The following MAPKAP1 variants were observed in gnomAD, a reference collection of about 807,000 sequenced individuals.
The protein encoded by MAPKAP1 is target of rapamycin complex 2 subunit MAPKAP1.
A neutral mutation model predicts 65.7 loss-of-function variants in MAPKAP1; 20 were observed. That is an observed-to-expected ratio of 0.30 (90% CI 0.21 to 0.44). MAPKAP1 has a LOEUF of 0.44. MAPKAP1 is among the 20% of genes least tolerant of loss of function. MAPKAP1 has a pLI of 1.00. For synonymous variants in MAPKAP1, 222 were observed against 244.3 expected (o/e 0.91, Z 0.85); for missense variants, 423 against 648.0 (o/e 0.65, Z 3.77).
chr9:125,449,279 G>C (rs1852848811), intron 10 of MAPKAP1, among the ~76,000 whole-genome samples: 1 of 152,132 alleles, frequency 6.6e-6, no homozygotes, highest in Non-Finnish European at 1.5e-5. Context: ...TGTAAAGGAG[G>C]GGATAGCATC....
intron 4 of MAPKAP1, among the ~76,000 whole-genome samples, chr9:125,621,276 A>T (rs141190256): frequency 1.3e-5 from 2 of 152,222 alleles, no homozygotes; most frequent in African/African-American, 4.8e-5. Flanking sequence ...TTTCTCAAAA[A>T]AAAAACAAAA....
At chr9:125,667,592 T>G (rs764568197) in intron 3 of MAPKAP1, among the ~76,000 whole-genome samples, 23 of 152,336 alleles carry the variant, frequency 1.5e-4, no homozygotes, top group Admixed American at 9.8e-4. Context: ...TTTGTATTTT[T>G]AGTAGAAATG....
intron 7 of MAPKAP1, among the ~76,000 whole-genome samples, chr9:125,538,580 T>C (rs1015747690): frequency 6.6e-6 from 1 of 152,110 alleles, no homozygotes; most frequent in African/African-American, 2.4e-5. Flanking sequence ...TGCAAAGTAA[T>C]CTGAAATGTT....
intron 4 of MAPKAP1, among the ~76,000 whole-genome samples, chr9:125,606,228 G>A (rs370710577): frequency 1.1e-4 from 17 of 152,132 alleles, no homozygotes; most frequent in African/African-American, 3.9e-4. Context: ...GAAGGGCATA[G>A]GGAGGCGGGG....
At chr9:125,514,336 C>G (rs557138092) in intron 7 of MAPKAP1, among the ~76,000 whole-genome samples, 1 of 152,176 alleles carries the variant, frequency 6.6e-6, no homozygotes, top group East Asian at 1.9e-4. Flanking sequence ...CCAGCTCAAG[C>G]TGCCTCGCTG....
intron 5 of MAPKAP1, chr9:125,572,991 TCATA>T (rs1307569486): frequency 6.6e-6 from 1 of 151,040 alleles, no homozygotes; most frequent in Non-Finnish European, 1.5e-5. Context: ...CAAGAAACCC[TCATA>T]GTTAGGCAGG....
chr9:125,457,474 TATTG>T (rs1028650824), intron 10 of MAPKAP1, among the ~76,000 whole-genome samples: 4 of 152,248 alleles, frequency 2.6e-5, no homozygotes, highest in East Asian at 1.9e-4. Flanking sequence ...GGTTCTATTT[TATTG>T]ATTGATTGTT....
intron 9 of MAPKAP1, among the ~76,000 whole-genome samples, chr9:125,480,629 T>C (rs1409817557): frequency 6.6e-6 from 1 of 152,054 alleles, no homozygotes; most frequent in Non-Finnish European, 1.5e-5. Context: ...ATAGGCAAAA[T>C]AAATAATAAT....
At chr9:125,504,955 T>C (rs1829094763) in intron 8 of MAPKAP1, among the ~76,000 whole-genome samples, 1 of 152,236 alleles carries the variant, frequency 6.6e-6, no homozygotes, top group Admixed American at 6.5e-5. Context: ...ACAGCAGATC[T>C]ATATGAAGGG....
At chr9:125,597,055 G>A (rs909221896) in intron 4 of MAPKAP1, among the ~76,000 whole-genome samples, 14 of 151,048 alleles carry the variant, frequency 9.3e-5, no homozygotes, top group Non-Finnish European at 1.8e-4. Flanking sequence ...GAGGTCAGGA[G>A]ATCGAGACCA....
At chr9:125,705,986 C>G (rs1001515641) in intron 1 of MAPKAP1, among the ~76,000 whole-genome samples, 1 of 152,126 alleles carries the variant, frequency 6.6e-6, no homozygotes, top group African/African-American at 2.4e-5. Context: ...TAAGTGCAGT[C>G]TGGGACACAC....
intron 9 of MAPKAP1, among the ~76,000 whole-genome samples, chr9:125,479,308 G>C (rs1214839061): frequency 6.6e-6 from 1 of 152,136 alleles, no homozygotes; most frequent in Admixed American, 6.5e-5. Flanking sequence ...GGCCGGGCAC[G>C]GTGGCTCACG....
chr9:125,532,679 A>C (rs516771), intron 7 of MAPKAP1, among the ~76,000 whole-genome samples: 141,058 of 152,238 alleles, frequency 0.93, 66,192 homozygotes, highest in East Asian at 1. Context: ...TGCAGGGTCC[A>C]CATTAACCCC....
intron 10 of MAPKAP1, among the ~76,000 whole-genome samples, chr9:125,459,764 A>C (rs983235929): frequency 4.0e-5 from 6 of 150,652 alleles, no homozygotes; most frequent in African/African-American, 1.5e-4. Context: ...AGATGGCAGC[A>C]GTACAGTCCA....
chr9:125,438,662 G>T lies in MAPKAP1; in HGVS notation c.*225C>A. 1.9e-6 allele frequency: 1 copy of T among 537,068 alleles called. No homozygotes were observed. The highest frequency in any genetic ancestry group is 3.2e-6 in the Non-Finnish European group (1 of 308,852). 33.3% of individuals were successfully genotyped at this position (537,068 alleles called of 1,614,324 possible). On this transcript the variant is annotated 3_prime_UTR_variant, in exon 12 of 12. Coordinates refer to ENST00000265960, the MANE Select transcript of MAPKAP1 (RefSeq NM_001006617.3). ...GGGGGTGGTCTGACCCCCAAGCATC[G>T]CTTATCAAAGCCACTGCCAAGCAGA...
rs1472467944 is a variant in MAPKAP1 at position 125,624,512 on chromosome 9, G to A, written c.498+33139C>T. 8.3e-5 allele frequency among the ~76,000 whole-genome samples: 7 copies of A among 84,092 alleles called. 1 individual carries two copies. The East Asian group carries it at 2.1e-3, about 25-fold the overall frequency. The allele number at this position is 84,092 out of a possible 152,430, so 55.2% of individuals were successfully genotyped here. ...GCCTCTGCCCGGCCGCCCCTACTGG[G>A]AAGTGAGGAGCCCCTCTGCCCAGCC... On this transcript the variant is annotated intron_variant, in intron 4 of 11. Coordinates refer to ENST00000265960, the MANE Select transcript of MAPKAP1 (RefSeq NM_001006617.3).
intron 3 of MAPKAP1, among the ~76,000 whole-genome samples, chr9:125,664,163 A>G (rs966746834): frequency 7.9e-5 from 12 of 151,886 alleles, no homozygotes; most frequent in Admixed American, 7.2e-4. Context: ...CCTGGCCAAC[A>G]TGGTAAAACC....
intron 4 of MAPKAP1, among the ~76,000 whole-genome samples, chr9:125,612,037 C>T (rs1832615337): frequency 6.6e-6 from 1 of 152,056 alleles, no homozygotes; most frequent in South Asian, 2.1e-4. Context: ...AACCCTAATC[C>T]AAAAATCCAA....
intron 7 of MAPKAP1, among the ~76,000 whole-genome samples, chr9:125,516,894 A>G (rs1445882839): frequency 6.6e-6 from 1 of 152,182 alleles, no homozygotes; most frequent in Non-Finnish European, 1.5e-5. Flanking sequence ...TTTGAAAACA[A>G]GTCAAATATT....
Sources: gnomAD v4.1 joint callset for allele counts (sites outside exome capture counted in the v4.1 genomes callset) on GRCh38, gnomAD v4.1.1 for gene constraint, MANE v1.5 for transcripts, NCBI Gene and HGNC (gene_info 2026-07-23, HGNC 2026-07-21) for gene names.